Variants in NFAT5 observed in about 807,000 individuals in gnomAD.
The protein encoded by NFAT5 is nuclear factor of activated T-cells 5.
A neutral mutation model predicts 166.5 loss-of-function variants in NFAT5; 31 were observed. The ratio of observed to expected loss-of-function variants is 0.19; its 90% CI spans 0.14 to 0.25. NFAT5 has a LOEUF of 0.25. Among genes scored for constraint, NFAT5 ranks in the 10% least tolerant of loss-of-function variants. The probability of loss-of-function intolerance (pLI) is 1.00; values close to 1 mark genes in which losing one functional copy is unlikely to be tolerated. For missense variants in NFAT5, 1,449 were observed against 1,821.8 expected (o/e 0.80, Z 3.72); for synonymous variants, 612 against 639.7 (o/e 0.96, Z 0.65).
At chr16:69,657,195 AT>A (rs2035916910) in intron 6 of NFAT5, among the ~76,000 whole-genome samples, 2 of 151,528 alleles carry the variant, frequency 1.3e-5, no homozygotes, top group South Asian at 4.2e-4. Context: ...GAGTGGCACG[AT>A]CTCGGCTCAC....
intron 2 of NFAT5, among the ~76,000 whole-genome samples, chr16:69,586,353 C>G (rs150778113): frequency 6.6e-6 from 1 of 152,086 alleles, no homozygotes; most frequent in East Asian, 1.9e-4. Context: ...CTACAGATGA[C>G]TTTGTGAAAA....
chr16:69,595,136 A>G (rs1330633451), intron 2 of NFAT5, among the ~76,000 whole-genome samples: 2 of 152,210 alleles, frequency 1.3e-5, no homozygotes, highest in Non-Finnish European at 2.9e-5. Context: ...AATACTTTGC[A>G]TCCTTCAATC....
chr16:69,636,358 C>T (rs542374104), intron 3 of NFAT5, among the ~76,000 whole-genome samples: 1 of 152,278 alleles, frequency 6.6e-6, no homozygotes, highest in African/African-American at 2.4e-5. Context: ...AGTGGATCTA[C>T]CATTCTGGGG....
At position 69,679,314 on chromosome 16, in the gene NFAT5, C is replaced by G. The variant is rs138141003; in HGVS notation, c.1690+1979C>G. Among the ~76,000 whole-genome samples, 5 of 152,100 alleles carry G rather than the reference C, an allele frequency of 3.3e-5. No homozygotes were observed. In the East Asian group the frequency reaches 9.7e-4, roughly 30 times the overall value. ...ACAAAAGGTATGCCACAGTACAGCA[C>G]TGTTAAAATACCCCTTGAAGGCCTG... On this transcript the variant is annotated intron_variant, in intron 10 of 14. Transcript: ENST00000349945.
intron 10 of NFAT5, among the ~76,000 whole-genome samples, chr16:69,681,559 C>G (rs1159341907): frequency 6.6e-6 from 1 of 152,130 alleles, no homozygotes; most frequent in Non-Finnish European, 1.5e-5. Flanking sequence ...CCTTTGATAC[C>G]TTAATCAGTG....
rs529031077 is a variant in NFAT5 at position 69,699,460 on chromosome 16, A to G, written c.*3109A>G. 5.2e-5 allele frequency: 8 copies of G among 152,766 alleles called. No homozygotes were observed. In the East Asian group the frequency reaches 1.3e-3, roughly 26 times the overall value. 9.5% of individuals were successfully genotyped at this position (152,766 alleles called of 1,614,324 possible). Reference sequence around the variant, plus strand: ...TGCTATGCTACCATATTCTTGTTCAATAATAATAGGTTTGTTGTTTTTTTT... The same window carrying G: ...TGCTATGCTACCATATTCTTGTTCAGTAATAATAGGTTTGTTGTTTTTTTT... On this transcript the variant is annotated 3_prime_UTR_variant, in exon 15 of 15. Transcript: ENST00000349945.
chr16:69,644,946 T>A, intron 3 of NFAT5: 1 of 395,974 alleles, frequency 2.5e-6, no homozygotes, highest in Non-Finnish European at 5.0e-6. Flanking sequence ...GCTGCATACT[T>A]GTATGCTGCA....
intron 2 of NFAT5, among the ~76,000 whole-genome samples, chr16:69,602,148 A>G (rs980580726): frequency 2.6e-5 from 4 of 152,170 alleles, no homozygotes; most frequent in East Asian, 1.9e-4. Flanking sequence ...GGAGAACTCT[A>G]TAACTGAGAT....
chr16:69,565,997 C>G lies in NFAT5; in HGVS notation c.-305C>G. On this transcript the variant is annotated 5_prime_UTR_variant, in exon 1 of 15. Coordinates refer to ENST00000349945, the MANE Select transcript of NFAT5 (RefSeq NM_138713.4). Reference sequence around the variant, plus strand: ...CTGTCAGCGGCGGCGGCGGTGGCGGCGACCGTCAGTTTTCGCTGAGGAGAA... The same window carrying G: ...CTGTCAGCGGCGGCGGCGGTGGCGGGGACCGTCAGTTTTCGCTGAGGAGAA... 2.6e-5 allele frequency: 8 copies of G among 303,586 alleles called. No individual in the cohort carries two copies. The highest frequency in any genetic ancestry group is 1.8e-4 in the East Asian group (2 of 10,812). The allele number at this position is 303,586 out of a possible 1,614,324, so 18.8% of individuals were successfully genotyped here.
intron 2 of NFAT5, among the ~76,000 whole-genome samples, chr16:69,617,495 C>CT (rs898627380): frequency 4.3e-3 from 606 of 142,082 alleles, no homozygotes; most frequent in Non-Finnish European, 5.2e-3. Context: ...ATTTTCTTTT[C>CT]TTTTTTTTTT....
At chr16:69,588,958 C>T (rs1279913428) in intron 2 of NFAT5, among the ~76,000 whole-genome samples, 2 of 149,028 alleles carry the variant, frequency 1.3e-5, no homozygotes, top group Admixed American at 6.7e-5. Context: ...GGTGTTGGAC[C>T]CTCCCTCCTC....
chr16:69,647,261 T>C lies in NFAT5; in HGVS notation c.487T>C (p.Ser163Pro), dbSNP rs2035478468. 6.2e-7 allele frequency: 1 copy of C among 1,614,104 alleles called. No homozygotes were observed. Among genetic ancestry groups the C allele is most frequent in the Non-Finnish European group, 8.5e-7 (1 of 1,180,018 alleles). Residue 163 changes from serine (S) to proline (P), a missense_variant, in exon 4 of 15, where the codon TCA becomes CCA. By Grantham distance (74) the Ser-to-Pro change is moderately conservative. Around this residue, in one of 7 missense-constraint regions of NFAT5, gnomAD observed 172 missense variants for 194.5 expected, o/e 0.88. Transcript: ENST00000349945. The surrounding 1 kb of genome is among the most constrained non-coding windows in gnomAD (Gnocchi z 4.8). The part of the protein sequence containing the change: ...TPKRHTVLYI[S>P]PPPEDLLDNS... Reference sequence around the variant, plus strand: ...GAAGAGGCACACAGTCTTGTACATCTCACCACCACCTGAGGACTTGCTGGA... The same window carrying C: ...GAAGAGGCACACAGTCTTGTACATCCCACCACCACCTGAGGACTTGCTGGA...
intron 4 of NFAT5, among the ~76,000 whole-genome samples, chr16:69,648,017 C>T (rs1365190371): frequency 6.6e-6 from 1 of 151,132 alleles, no homozygotes; most frequent in African/African-American, 2.4e-5. Flanking sequence ...ACTAAAAATA[C>T]AAAAAAAATT....
chr16:69,695,430 C>A, intron 14 of NFAT5, 51 bp downstream of exon 14: 1 of 1,318,714 alleles, frequency 7.6e-7, no homozygotes, highest in East Asian at 2.3e-5. Context: ...TTTTATTCTT[C>A]TTAACAGATT....
intron 6 of NFAT5, among the ~76,000 whole-genome samples, chr16:69,657,184 G>A (rs1424284541): frequency 2.0e-5 from 3 of 151,572 alleles, no homozygotes; most frequent in Non-Finnish European, 4.4e-5. Context: ...AAGCTGCAGT[G>A]GAGTGGCACG....
intron 3 of NFAT5, among the ~76,000 whole-genome samples, chr16:69,637,949 G>T (rs531708388): frequency 1.3e-5 from 2 of 152,196 alleles, no homozygotes; most frequent in South Asian, 4.1e-4. Context: ...GGCTGGGCAC[G>T]GTGGCTCACG....
At chr16:69,680,522 G>T (rs951790694) in intron 10 of NFAT5, among the ~76,000 whole-genome samples, 2 of 152,070 alleles carry the variant, frequency 1.3e-5, no homozygotes, top group African/African-American at 4.8e-5. Flanking sequence ...TACTTCAAAG[G>T]CTATACTAAT....
At chr16:69,617,892 C>T (rs1323777429) in intron 2 of NFAT5, among the ~76,000 whole-genome samples, 1 of 152,098 alleles carries the variant, frequency 6.6e-6, no homozygotes, top group Non-Finnish European at 1.5e-5. Flanking sequence ...CACGGTGGCT[C>T]ATGCCTATAA....
chr16:69,681,194 T>A (rs982439359), intron 10 of NFAT5, among the ~76,000 whole-genome samples: 3 of 152,210 alleles, frequency 2.0e-5, no homozygotes, highest in Non-Finnish European at 4.4e-5. Flanking sequence ...AACTAATAGC[T>A]GTTGTGATTC....
Sources: allele counts gnomAD v4.1 joint callset (sites outside exome capture counted in the v4.1 genomes callset), GRCh38; gene constraint gnomAD v4.1.1; regional missense constraint gnomAD v4.1.1; non-coding constraint Gnocchi (gnomAD v3.1); transcripts MANE v1.5; gene names NCBI Gene and HGNC (gene_info 2026-07-23, HGNC 2026-07-21).